RABGAP1L: variants seen among roughly 807,000 people sequenced by gnomAD.
RABGAP1L encodes the protein RAB GTPase activating protein 1 like.
Under a neutral mutation model 137.7 loss-of-function variants are expected in RABGAP1L, and 63 were observed. That is an observed-to-expected ratio of 0.46 (90% CI 0.37 to 0.56). The LOEUF is 0.56. RABGAP1L is among the 20% of genes least tolerant of loss of function. The pLI is 0.00. For missense variants in RABGAP1L, 1,095 were observed against 1,244.0 expected (o/e 0.88, Z 1.80); for synonymous variants, 431 against 433.7 (o/e 0.99, Z 0.08).
chr1:174,205,981 T>C (rs923869898), intron 1 of RABGAP1L, among the ~76,000 whole-genome samples: 1 of 152,214 alleles, frequency 6.6e-6, no homozygotes, highest in Non-Finnish European at 1.5e-5. Flanking sequence ...GACTCAGGGA[T>C]ATGACTTGGT....
intron 11 of RABGAP1L, among the ~76,000 whole-genome samples, chr1:174,364,173 C>G (rs1684384135): frequency 7.5e-6 from 1 of 134,122 alleles, no homozygotes; most frequent in Non-Finnish European, 1.6e-5. Context: ...TCAAGTTATT[C>G]TTTACTTAGA....
rs111776703 is a variant in RABGAP1L, at chr1:174,279,398, C to A, written c.1323+619C>A. 1.2e-3 allele frequency among the ~76,000 whole-genome samples: 185 copies of A among 152,094 alleles called. 1 individual carries two copies. Among genetic ancestry groups the A allele is most frequent in the African/African-American group, 4.0e-3 (167 of 41,494 alleles). ...CTAATTGTGTGAGTTTTTAAAAAAT[C>A]AGGATAAAAATGCTCTATTAGAATA... On this transcript the variant is annotated intron_variant, in intron 10 of 25. Coordinates refer to ENST00000681986, the MANE Select transcript of RABGAP1L (RefSeq NM_001366446.1).
rs1019916196 is a variant in RABGAP1L, at chr1:174,273,859, A to G, written c.1053+1379A>G. ...AACAGTCCTCCCCACCTTTGAGTCC[A>G]TATCTAAATCAAAAGAGTTGTGAGC... is the stretch of plus-strand genomic sequence containing the variant. On this transcript the variant is annotated intron_variant, in intron 8 of 25. Coordinates refer to ENST00000681986, the MANE Select transcript of RABGAP1L (RefSeq NM_001366446.1). Among the ~76,000 whole-genome samples the G allele has an allele frequency of 3.9e-5, 6 of 152,156 alleles. No homozygotes were observed. The East Asian group carries it at 9.6e-4, about 24-fold the overall frequency.
At chr1:174,455,834 C>A (rs1380975838) in intron 13 of RABGAP1L, among the ~76,000 whole-genome samples, 1 of 152,056 alleles carries the variant, frequency 6.6e-6, no homozygotes, top group Non-Finnish European at 1.5e-5. Flanking sequence ...ATTCTAAAAG[C>A]TTCTGTGAGT....
chr1:174,238,093 A>G (rs2148538118), intron 4 of RABGAP1L, among the ~76,000 whole-genome samples: 1 of 152,104 alleles, frequency 6.6e-6, no homozygotes, highest in Non-Finnish European at 1.5e-5. Context: ...TTATTCACGT[A>G]GTTCTCGAGC....
chr1:174,318,206 T>C (rs974404706), intron 11 of RABGAP1L, among the ~76,000 whole-genome samples: 6 of 152,166 alleles, frequency 3.9e-5, no homozygotes, highest in Admixed American at 2.0e-4. Flanking sequence ...TTGGTGAAGC[T>C]TTCTATTCCC....
chr1:174,641,011 A>G (rs939678404), intron 14 of RABGAP1L, among the ~76,000 whole-genome samples: 7 of 147,674 alleles, frequency 4.7e-5, no homozygotes, highest in Non-Finnish European at 7.5e-5. Flanking sequence ...AATTAAATAT[A>G]ATTAATTAAA....
Position 174,598,488 on chromosome 1 carries a change from G to T in RABGAP1L, c.1711-38887G>T, listed in dbSNP as rs145909791. ...TTTTTCAGTCTGGATGATCTGTCCA[G>T]TGCTGAAAGTGGTATGTTGAAGTCT... On this transcript the variant is annotated intron_variant, in intron 13 of 25. Coordinates refer to ENST00000681986, the MANE Select transcript of RABGAP1L (RefSeq NM_001366446.1). 7.2e-5 allele frequency among the ~76,000 whole-genome samples: 11 copies of T among 152,288 alleles called. No homozygotes were observed. The East Asian group carries it at 2.1e-3, about 29-fold the overall frequency.
chr1:174,649,536 C>T (rs539279397), intron 14 of RABGAP1L, among the ~76,000 whole-genome samples: 26 of 152,252 alleles, frequency 1.7e-4, no homozygotes, highest in Admixed American at 9.2e-4. Flanking sequence ...CCCCCACTCT[C>T]TTCTGGCTTG....
chr1:174,352,142 AT>A (rs1220785409), intron 11 of RABGAP1L, among the ~76,000 whole-genome samples: 9 of 152,130 alleles, frequency 5.9e-5, no homozygotes, highest in Non-Finnish European at 1.3e-4. Context: ...TTGAATACAC[AT>A]TCTGCAACTG....
intron 13 of RABGAP1L, among the ~76,000 whole-genome samples, chr1:174,496,354 A>G (rs1572054422): frequency 6.6e-6 from 1 of 152,186 alleles, no homozygotes; most frequent in African/African-American, 2.4e-5. Context: ...ATTGACAGTG[A>G]TAGTGATAGT....
chr1:174,394,048 G>C lies in RABGAP1L; in HGVS notation c.1613G>C (p.Gly538Ala), dbSNP rs993682486. 6.2e-7 allele frequency: 1 copy of C among 1,613,752 alleles called. No homozygotes were observed. The highest frequency in any genetic ancestry group is 8.5e-7 in the Non-Finnish European group (1 of 1,179,846). The change falls in exon 13 of 26, where the codon GGT (glycine) becomes GCT (alanine). Residue 538 changes from glycine to alanine, a missense_variant. Gly to Ala is a moderately conservative substitution (Grantham distance 60). This residue lies in a region of RABGAP1L where 315 missense variants were observed against 324.8 expected (regional missense o/e 0.97). Coordinates refer to ENST00000681986, the MANE Select transcript of RABGAP1L (RefSeq NM_001366446.1). ...PKGLSTLVKS[G>A]VPEALRAEVW... ...GGGCTGTCTACTCTGGTGAAGAGTG[G>C]TGTCCCTGAAGCATTGAGGGCAGAG...
chr1:174,915,051 C>A (rs1660638785), intron 19 of RABGAP1L, among the ~76,000 whole-genome samples: 1 of 152,016 alleles, frequency 6.6e-6, no homozygotes, highest in African/African-American at 2.4e-5. Context: ...TATGGATAGC[C>A]CACATTTTGT....
chr1:174,834,067 TTAG>T (rs1230122813), intron 19 of RABGAP1L, among the ~76,000 whole-genome samples: 6 of 152,130 alleles, frequency 3.9e-5, no homozygotes, highest in Non-Finnish European at 8.8e-5. Context: ...AATGTGTGGC[TTAG>T]TAGGAAAATA....
intron 19 of RABGAP1L, among the ~76,000 whole-genome samples, chr1:174,946,935 T>A (rs1666910350): frequency 4.4e-5 from 3 of 67,998 alleles, no homozygotes; most frequent in African/African-American, 6.6e-5. Flanking sequence ...TATATATATA[T>A]ATATATGTGT....
chr1:174,949,462 C>T (rs2157542), intron 19 of RABGAP1L, among the ~76,000 whole-genome samples: 2 of 152,166 alleles, frequency 1.3e-5, no homozygotes, highest in African/African-American at 2.4e-5. Context: ...GATGGATTGC[C>T]TGAGCATTGG....
intron 19 of RABGAP1L, among the ~76,000 whole-genome samples, chr1:174,861,823 T>C (rs554538809): frequency 6.6e-6 from 1 of 152,320 alleles, no homozygotes; most frequent in African/African-American, 2.4e-5. Context: ...TGTTGAGTTA[T>C]ATGAATTCTT....
intron 18 of RABGAP1L, among the ~76,000 whole-genome samples, chr1:174,798,280 G>A (rs921576772): frequency 1.4e-4 from 21 of 151,236 alleles, no homozygotes; most frequent in African/African-American, 2.7e-4. Context: ...GGTGGCGGGC[G>A]CTTGTAGTCC....
intron 19 of RABGAP1L, among the ~76,000 whole-genome samples, chr1:174,940,086 A>T (rs202233661): frequency 6.6e-6 from 1 of 152,182 alleles, no homozygotes; most frequent in South Asian, 2.1e-4. Context: ...ATAGCTCATA[A>T]CAGCCATATG....
Sources: allele counts gnomAD v4.1 joint callset (sites outside exome capture counted in the v4.1 genomes callset), GRCh38; gene constraint gnomAD v4.1.1; regional missense constraint gnomAD v4.1.1; transcripts MANE v1.5; gene names NCBI Gene and HGNC (gene_info 2026-07-23, HGNC 2026-07-21).